KLF17: variants seen among roughly 807,000 people sequenced by gnomAD.
KLF17 encodes KLF transcription factor 17.
Under a neutral mutation model 34.2 loss-of-function variants are expected in KLF17, and 31 were observed. The ratio of observed to expected loss-of-function variants is 0.91; its 90% CI spans 0.68 to 1.22. The LOEUF is 1.22. KLF17 is among the 50% of genes most tolerant of loss of function. The probability of loss-of-function intolerance (pLI) is 0.00; values close to 1 mark genes in which losing one functional copy is unlikely to be tolerated. For synonymous variants in KLF17, 179 were observed against 186.7 expected (o/e 0.96, Z 0.34); for missense variants, 478 against 505.2 (o/e 0.95, Z 0.52).
the KLF17 span, among the ~76,000 whole-genome samples, chr1:44,049,825 G>A: frequency 7.2e-5 from 11 of 152,204 alleles, no homozygotes; most frequent in Non-Finnish European, 1.5e-4. Flanking sequence ...GTGCTGTTAT[G>A]TATAGTAGCA....
chr1:44,070,569 C>T, the KLF17 span, among the ~76,000 whole-genome samples: 5 of 150,480 alleles, frequency 3.3e-5, no homozygotes, highest in Admixed American at 3.3e-4. Flanking sequence ...CCCACATTCT[C>T]ACCTCTCCCT....
chr1:44,102,565 TACACACACACACACACACAC>T, the KLF17 span, among the ~76,000 whole-genome samples: 15 of 89,344 alleles, frequency 1.7e-4, 1 homozygote, highest in African/African-American at 3.9e-4. Context: ...CACATACACA[TACACACACACACACACACAC>T]ACACACACAC....
the KLF17 span, among the ~76,000 whole-genome samples, chr1:44,051,957 G>A: frequency 2.6e-5 from 4 of 152,030 alleles, no homozygotes; most frequent in Admixed American, 1.3e-4. Context: ...TGGGGTTTTC[G>A]GCATTGACAT....
the KLF17 span, chr1:44,104,115 T>C: frequency 1.0e-6 from 1 of 1,000,842 alleles, no homozygotes. Flanking sequence ...GAAGTTGATC[T>C]CGTCAGTCAG....
the KLF17 span, among the ~76,000 whole-genome samples, chr1:44,059,058 CT>C: frequency 2.0e-5 from 3 of 152,166 alleles, no homozygotes; most frequent in African/African-American, 7.2e-5. Context: ...GGCTGTTAAA[CT>C]TCAGGGAGTA....
upstream of KLF17, chr1:44,115,329 T>C (rs1395060914): frequency 6.6e-6 from 1 of 151,638 alleles, no homozygotes; most frequent in African/African-American, 2.4e-5. Context: ...CAGGCGCCTG[T>C]AGTCACAGCT....
chr1:44,059,089 C>G, the KLF17 span, among the ~76,000 whole-genome samples: 1 of 152,116 alleles, frequency 6.6e-6, no homozygotes, highest in African/African-American at 2.4e-5. Context: ...GTACCCCTGT[C>G]CAGGTTAAAC....
chr1:44,115,424 C>T (rs1189399268), upstream of KLF17: 1 of 130,446 alleles, frequency 7.7e-6, no homozygotes, highest in Non-Finnish European at 1.5e-5. Context: ...GCACTCTAGC[C>T]TGGGCAATGG....
the KLF17 span, among the ~76,000 whole-genome samples, chr1:44,046,995 C>G: frequency 2.5e-4 from 36 of 144,178 alleles, no homozygotes; most frequent in East Asian, 6.1e-3. Flanking sequence ...CCACTGCACT[C>G]CAGCCTAGAC....
At chr1:44,097,646 T>C in the KLF17 span, among the ~76,000 whole-genome samples, 1 of 152,142 alleles carries the variant, frequency 6.6e-6, no homozygotes, top group Non-Finnish European at 1.5e-5. Context: ...TATATTCTAG[T>C]ACTATGCTGA....
intron 3 of KLF17, among the ~76,000 whole-genome samples, chr1:44,132,116 G>A (rs2088117645): frequency 6.6e-6 from 1 of 152,002 alleles, no homozygotes; most frequent in Non-Finnish European, 1.5e-5. Context: ...GACTAGCCTG[G>A]CTAATATGGT....
At chr1:44,117,483 T>C (rs2087892749), upstream of KLF17, 1 of 150,250 alleles carries the variant, frequency 6.7e-6, no homozygotes, top group Non-Finnish European at 1.5e-5. Context: ...TATTTTATTT[T>C]ATTTTATATT....
At chr1:44,099,479 A>C in the KLF17 span, among the ~76,000 whole-genome samples, 50,168 of 151,556 alleles carry the variant, frequency 0.33, 8,356 homozygotes, top group South Asian at 0.38. Context: ...CAAAATAGAC[A>C]GGAAATAAAT....
At chr1:44,123,297 A>C (rs941994846) in intron 1 of KLF17, among the ~76,000 whole-genome samples, 1 of 152,180 alleles carries the variant, frequency 6.6e-6, no homozygotes, top group Non-Finnish European at 1.5e-5. Flanking sequence ...CCTGGCCTCA[A>C]GCGATCCACC....
At chr1:44,070,590 C>CTTTTTT in the KLF17 span, among the ~76,000 whole-genome samples, 4 of 78,684 alleles carry the variant, frequency 5.1e-5, no homozygotes, top group African/African-American at 1.5e-4. Flanking sequence ...TTTCCCTTGT[C>CTTTTTT]TTTTTTTTTT....
chr1:44,090,023 C>T, the KLF17 span, among the ~76,000 whole-genome samples: 3 of 150,320 alleles, frequency 2.0e-5, no homozygotes, highest in Non-Finnish European at 4.4e-5. Context: ...GTTAGCCGGG[C>T]GTACTCGGGG....
At chr1:44,057,496 A>C in the KLF17 span, among the ~76,000 whole-genome samples, 2 of 152,170 alleles carry the variant, frequency 1.3e-5, no homozygotes. Context: ...GCTCCACCAG[A>C]CAGAGCAGCT....
At chr1:44,052,465 C>T in the KLF17 span, among the ~76,000 whole-genome samples, 1 of 152,150 alleles carries the variant, frequency 6.6e-6, no homozygotes, top group Non-Finnish European at 1.5e-5. Context: ...CAGTGAGGGC[C>T]CCTGAGGTCT....
the KLF17 span, among the ~76,000 whole-genome samples, chr1:44,069,085 G>A: frequency 6.6e-6 from 1 of 152,130 alleles, no homozygotes; most frequent in Non-Finnish European, 1.5e-5. The surrounding 1 kb of genome is among the most constrained non-coding windows in gnomAD (Gnocchi z 4.7). Context: ...CATGTGGAGA[G>A]GTAAAAGTCT....
Sources: gnomAD v4.1 joint callset for allele counts (sites outside exome capture counted in the v4.1 genomes callset) on GRCh38, gnomAD v4.1.1 for gene constraint, Gnocchi (gnomAD v3.1) non-coding constraint, MANE v1.5 for transcripts, NCBI Gene and HGNC (gene_info 2026-07-23, HGNC 2026-07-21) for gene names.